Variants in TIAM1 observed in about 807,000 individuals in gnomAD.
The protein encoded by TIAM1 is TIAM Rac1 associated GEF 1.
A neutral mutation model predicts 163.5 loss-of-function variants in TIAM1; 65 were observed. The ratio of observed to expected loss-of-function variants is 0.40; its 90% CI spans 0.33 to 0.49. The LOEUF is 0.49. Ranked by LOEUF, TIAM1 falls within the 20% of genes least tolerant of loss-of-function variation. The pLI, the probability that TIAM1 is intolerant of heterozygous loss-of-function variation, is 0.77. For missense variants in TIAM1, 1,789 were observed against 2,044.7 expected (o/e 0.87, Z 2.41); for synonymous variants, 833 against 810.1 (o/e 1.03, Z -0.48).
rs869158026 is a variant in TIAM1, at chr21:31,148,956, C to CTTTTTT, written c.3367-1954_3367-1953insAAAAAA. Among the ~76,000 whole-genome samples, 101 of 28,844 alleles carry CTTTTTT rather than the reference C, an allele frequency of 3.5e-3. 2 individuals are homozygous for CTTTTTT. The highest frequency in any genetic ancestry group is 9.2e-3 in the African/African-American group (98 of 10,690). 18.9% of individuals were successfully genotyped at this position (28,844 alleles called of 152,430 possible). On this transcript the variant is annotated intron_variant, in intron 19 of 27. Coordinates refer to ENST00000541036, the MANE Select transcript of TIAM1 (RefSeq NM_001353694.2). ...AGTTTGAAGATTTTAACAAGTTTTT[C>CTTTTTT]TTTTTCTTTTTTTTTTGGTCAAATA...
chr21:31,225,962 A>G lies in TIAM1; in HGVS notation c.1585-12T>C. The G allele has an allele frequency of 1.2e-6, 2 of 1,609,634 alleles. No homozygotes were observed. The highest frequency in any genetic ancestry group is 1.3e-5 in the African/African-American group (1 of 74,874). On this transcript the variant is annotated splice_polypyrimidine_tract_variant and intron_variant, in intron 6 of 27. Transcript: ENST00000541036. ...GTCTGGCTAGTGGTCTGTACCAGGA[A>G]GAAGGGGCAGGAAGAAAAAGGCACC...
intron 5 of TIAM1, among the ~76,000 whole-genome samples, chr21:31,248,427 G>A (rs1354363326): frequency 6.6e-6 from 1 of 152,138 alleles, no homozygotes; most frequent in Non-Finnish European, 1.5e-5. Flanking sequence ...TAAGATGAAC[G>A]CGAAGCAGCA....
rs77895412 is a variant in TIAM1, at chr21:31,327,027, G to A, written c.-189+12216C>T. On this transcript the variant is annotated intron_variant, in intron 2 of 27. Transcript: ENST00000541036. Reference sequence around the variant, plus strand: ...GTGTTCCGGCCGCGATTTAACATGCGGCTCCAGTGAGAAGGAAGCAGATAT... The same window carrying A: ...GTGTTCCGGCCGCGATTTAACATGCAGCTCCAGTGAGAAGGAAGCAGATAT... Among the ~76,000 whole-genome samples the A allele has an allele frequency of 6.1e-3, 935 of 152,244 alleles. 8 individuals carry two copies. The highest frequency in any genetic ancestry group is 0.022 in the African/African-American group (903 of 41,542).
chr21:31,393,228 T>C (rs1473282360), intron 2 of TIAM1, among the ~76,000 whole-genome samples: 3 of 152,228 alleles, frequency 2.0e-5, no homozygotes, highest in Non-Finnish European at 2.9e-5. Flanking sequence ...AGTTCTGGGA[T>C]TACAGGCATG....
At chr21:31,388,324 G>C (rs150369731) in intron 2 of TIAM1, among the ~76,000 whole-genome samples, 464 of 150,998 alleles carry the variant, frequency 3.1e-3, no homozygotes, top group African/African-American at 0.011. Flanking sequence ...TGATCTCCAA[G>C]ATGCAGGGGA....
chr21:31,172,587 C>G (rs918545929), intron 15 of TIAM1, among the ~76,000 whole-genome samples: 19 of 152,142 alleles, frequency 1.2e-4, no homozygotes, highest in Non-Finnish European at 1.5e-5. Flanking sequence ...CACTGCCAGG[C>G]ATGCAGCAGG....
intron 8 of TIAM1, 23 bp from the exon 9 acceptor site, chr21:31,217,722 G>T (rs374757757): frequency 1.2e-6 from 2 of 1,610,552 alleles, no homozygotes; most frequent in East Asian, 2.2e-5. Flanking sequence ...AGGACAAGCA[G>T]CCACAAGGGA....
At chr21:31,422,293 G>C (rs922937228) in intron 2 of TIAM1, among the ~76,000 whole-genome samples, 5 of 152,154 alleles carry the variant, frequency 3.3e-5, no homozygotes, top group Non-Finnish European at 7.3e-5. Flanking sequence ...CTCCGTCTCA[G>C]GATACGTATC....
chr21:31,424,720 G>C (rs772462996), intron 2 of TIAM1, among the ~76,000 whole-genome samples: 3 of 152,168 alleles, frequency 2.0e-5, no homozygotes, highest in Non-Finnish European at 4.4e-5. Flanking sequence ...AGACTGCACA[G>C]GAATGTAAAT....
At chr21:31,483,259 T>C (rs1422177973) in intron 1 of TIAM1, among the ~76,000 whole-genome samples, 1 of 152,134 alleles carries the variant, frequency 6.6e-6, no homozygotes, top group Non-Finnish European at 1.5e-5. Flanking sequence ...CCCACTCCTT[T>C]GTTTTATGAA....
At chr21:31,505,132 G>A (rs1427298032) in intron 1 of TIAM1, among the ~76,000 whole-genome samples, 2 of 152,172 alleles carry the variant, frequency 1.3e-5, no homozygotes, top group Non-Finnish European at 2.9e-5. Flanking sequence ...GAACAAACCA[G>A]ATTCAATCAC....
intron 2 of TIAM1, among the ~76,000 whole-genome samples, chr21:31,444,888 C>T (rs145048528): frequency 0.013 from 2,046 of 152,182 alleles, 19 homozygotes; most frequent in Admixed American, 0.022. Context: ...ATCCCAAGTA[C>T]TTGGGAAGCT....
intron 4 of TIAM1, among the ~76,000 whole-genome samples, chr21:31,257,076 G>T (rs1397898009): frequency 1.3e-5 from 2 of 152,094 alleles, no homozygotes; most frequent in African/African-American, 4.8e-5. Context: ...TTGTTCTCAC[G>T]TTCACAAAAC....
rs1162481101 is a variant in TIAM1, at chr21:31,503,591, G to GAGGGGAAGGAGA, written c.-421-39557_-421-39556insTCTCCTTCCCCT. Among the ~76,000 whole-genome samples, 4 of 48,234 alleles carry GAGGGGAAGGAGA rather than the reference G, an allele frequency of 8.3e-5. 1 individual carries two copies. The highest frequency in any genetic ancestry group is 3.1e-4 in the Admixed American group (2 of 6,370). The allele number at this position is 48,234 out of a possible 152,430, so 31.6% of individuals were successfully genotyped here. ...AAAGAAGAGAGAAAGAGAAAGAGAG[G>GAGGGGAAGGAGA]AGGGGAGGGGAGGGGAGGGGAGGGA... On this transcript the variant is annotated intron_variant, in intron 1 of 28. Transcript: ENST00000286827.
At chr21:31,139,487 AACATAT>A (rs1486113506) in intron 22 of TIAM1, among the ~76,000 whole-genome samples, 1 of 152,202 alleles carries the variant, frequency 6.6e-6, no homozygotes, top group Non-Finnish European at 1.5e-5. Context: ...GATATAACTA[AACATAT>A]ACATAGATAT....
At chr21:31,422,748 C>T (rs937324285) in intron 2 of TIAM1, among the ~76,000 whole-genome samples, 7 of 152,182 alleles carry the variant, frequency 4.6e-5, no homozygotes, top group Admixed American at 2.6e-4. Context: ...TATCTTTGTA[C>T]CTTTGCTCAT....
intron 17 of TIAM1, 101 bp downstream of exon 17, chr21:31,154,146 T>A: frequency 7.6e-7 from 1 of 1,319,372 alleles, no homozygotes; most frequent in South Asian, 1.4e-5. Flanking sequence ...ACGCTCTTCA[T>A]GAACACAGTT....
At position 31,419,149 on chromosome 21, in the gene TIAM1, T is replaced by A. The variant is rs2043477878; in HGVS notation, c.-369+44834A>T. On this transcript the variant is annotated intron_variant, in intron 2 of 28. Coordinates refer to the TIAM1 transcript ENST00000286827. ...CTCGCTTCTCCTCCAAAAATCGGTA[T>A]TCAGTGAGATTCACGTATGAAGAGC... Among the ~76,000 whole-genome samples, 3 of 152,174 alleles carry A rather than the reference T, an allele frequency of 2.0e-5. No individual in the cohort carries two copies. The South Asian group carries it at 6.2e-4, about 32-fold the overall frequency.
In TIAM1 at chr21:31,327,783, G is replaced by A. The variant is rs2075543582; in HGVS notation, c.-189+11460C>T. ...TCCAGACTGTGTGAGCAATAAGAAAGTCTAATCGATGCCCAAACACAGGCT... is the reference window on the plus strand; with the variant it reads ...TCCAGACTGTGTGAGCAATAAGAAAATCTAATCGATGCCCAAACACAGGCT... On this transcript the variant is annotated intron_variant, in intron 2 of 27. Coordinates refer to ENST00000541036, the MANE Select transcript of TIAM1 (RefSeq NM_001353694.2). 2.6e-5 allele frequency among the ~76,000 whole-genome samples: 4 copies of A among 151,906 alleles called. No individual in the cohort carries two copies. In the South Asian group the frequency reaches 8.3e-4, roughly 32 times the overall value.
Sources: gnomAD v4.1 joint callset for allele counts (sites outside exome capture counted in the v4.1 genomes callset) on GRCh38, gnomAD v4.1.1 for gene constraint, MANE v1.5 for transcripts, NCBI Gene and HGNC (gene_info 2026-07-23, HGNC 2026-07-21) for gene names.